Variants in ZGRF1 observed in about 807,000 individuals in gnomAD.
The protein encoded by ZGRF1 is zinc finger GRF-type containing 1, also known as 5'-3' DNA helicase ZGRF1.
In ZGRF1, 196 loss-of-function variants were observed where a neutral mutation model predicts 203.5. The ratio of observed to expected loss-of-function variants is 0.96; its 90% CI spans 0.86 to 1.08. The LOEUF (loss-of-function observed/expected upper bound fraction) is 1.08. ZGRF1 is among the 50% of genes least tolerant of loss of function. The pLI is 0.00. For synonymous variants in ZGRF1, 809 were observed against 841.3 expected (o/e 0.96, Z 0.66); for missense variants, 2,326 against 2,416.3 (o/e 0.96, Z 0.78).
intron 16 of ZGRF1, among the ~76,000 whole-genome samples, chr4:112,580,306 C>A (rs1276059204): frequency 7.2e-6 from 1 of 139,272 alleles, no homozygotes; most frequent in Non-Finnish European, 1.6e-5. Flanking sequence ...AAATGTTAGA[C>A]CTAAAACCAT....
At chr4:112,588,638 A>G (rs1747643080) in intron 11 of ZGRF1, among the ~76,000 whole-genome samples, 1 of 152,202 alleles carries the variant, frequency 6.6e-6, no homozygotes, top group South Asian at 2.1e-4. Flanking sequence ...TTTGTTGAAT[A>G]TATAAACAAA....
chr4:112,606,409 C>A (rs11098167), intron 8 of ZGRF1, among the ~76,000 whole-genome samples: 9,595 of 152,128 alleles, frequency 0.063, 457 homozygotes, highest in East Asian at 0.23. Flanking sequence ...CGCCTGTAAT[C>A]CCAGCACTTT....
chr4:112,582,938 C>T (rs899835392), intron 15 of ZGRF1, among the ~76,000 whole-genome samples: 2 of 152,088 alleles, frequency 1.3e-5, no homozygotes, highest in African/African-American at 4.8e-5. Flanking sequence ...GTGAATACTG[C>T]TGAAATAAAC....
intron 16 of ZGRF1, among the ~76,000 whole-genome samples, chr4:112,566,256 C>A (rs1743045298): frequency 6.8e-6 from 1 of 146,244 alleles, no homozygotes; most frequent in African/African-American, 2.5e-5. Context: ...AACCAAACAC[C>A]ACGTATTCTC....
intron 16 of ZGRF1, among the ~76,000 whole-genome samples, chr4:112,573,193 CACACA>C (rs1744512630): frequency 6.6e-6 from 1 of 151,646 alleles, no homozygotes; most frequent in African/African-American, 2.4e-5. Flanking sequence ...CACACACACA[CACACA>C]CACCCATGGA....
At position 112,543,726 on chromosome 4, in the gene ZGRF1, C is replaced by G. The variant is rs1017566882; in HGVS notation, c.5599-2458G>C. ...GACAGTTTCTTTGAAGGGGAGAGAACGAATGGTTGGGGGACAGGAGGAGAA... is the reference window on the plus strand; with the variant it reads ...GACAGTTTCTTTGAAGGGGAGAGAAGGAATGGTTGGGGGACAGGAGGAGAA... On this transcript the variant is annotated intron_variant, in intron 24 of 27. Coordinates refer to ENST00000505019, the MANE Select transcript of ZGRF1 (RefSeq NM_018392.5). Among the ~76,000 whole-genome samples the G allele has an allele frequency of 2.6e-5, 4 of 152,240 alleles. No individual in the cohort carries two copies. The South Asian group carries it at 8.3e-4, about 32-fold the overall frequency.
intron 12 of ZGRF1, among the ~76,000 whole-genome samples, chr4:112,587,021 G>C (rs1420572640): frequency 6.6e-6 from 1 of 152,164 alleles, no homozygotes. Context: ...GGAAACAAAA[G>C]TAGGAGCTAT....
At chr4:112,624,275 G>A (rs1370754222) in intron 3 of ZGRF1, among the ~76,000 whole-genome samples, 1 of 151,838 alleles carries the variant, frequency 6.6e-6, no homozygotes, top group African/African-American at 2.4e-5. Flanking sequence ...CAGCATTTTC[G>A]GAGGCCAAAG....
At chr4:112,634,083 T>C (rs2047499019) in intron 1 of ZGRF1, among the ~76,000 whole-genome samples, 1 of 152,218 alleles carries the variant, frequency 6.6e-6, no homozygotes, top group African/African-American at 2.4e-5. Flanking sequence ...TTTAGACATA[T>C]AAAATATGCC....
At position 112,547,348 on chromosome 4, in the gene ZGRF1, C is replaced by CTAT; in HGVS notation, c.5534_5535insATA (p.Gln1845_Gly1846insTer). On this transcript the variant is annotated stop_gained and inframe_insertion, in exon 24 of 28. Transcript: ENST00000505019. LOFTEE classifies it high-confidence loss of function. Reference sequence around the variant, plus strand: ...CATTTTCATGAGCTGCATCAGAACCCTGAATAGTAGGAGGTAGCTGTTTGG... The same window carrying CTAT: ...CATTTTCATGAGCTGCATCAGAACCCTATTGAATAGTAGGAGGTAGCTGTTTGG... 6.2e-7 allele frequency: 1 copy of CTAT among 1,613,450 alleles called. No homozygotes were observed. Among genetic ancestry groups the CTAT allele is most frequent in the Non-Finnish European group, 8.5e-7 (1 of 1,179,674 alleles).
At chr4:112,574,712 C>G (rs56108948) in intron 16 of ZGRF1, among the ~76,000 whole-genome samples, 1,533 of 152,210 alleles carry the variant, frequency 0.01, 12 homozygotes, top group Non-Finnish European at 0.015. Context: ...ATTAATCCAA[C>G]TTAGTGTACC....
intron 10 of ZGRF1, among the ~76,000 whole-genome samples, chr4:112,592,096 C>CTTTTT (rs961223953): frequency 1.4e-4 from 18 of 128,568 alleles, no homozygotes; most frequent in South Asian, 2.5e-4. Flanking sequence ...CTCATTCATT[C>CTTTTT]TTTTTTTTTT....
chr4:112,545,950 G>C (rs1414238201), intron 24 of ZGRF1, among the ~76,000 whole-genome samples: 1 of 151,948 alleles, frequency 6.6e-6, no homozygotes, highest in Admixed American at 6.6e-5. Context: ...TACTTACTAG[G>C]GGCTGAGGGA....
At position 112,548,154 on chromosome 4, in the gene ZGRF1, T is replaced by G. The variant is rs1191716681; in HGVS notation, c.5474+99A>C. The G allele has an allele frequency of 3.9e-6, 4 of 1,031,482 alleles. No individual in the cohort carries two copies. The African/African-American group carries it at 6.5e-5, about 17-fold the overall frequency. 63.9% of individuals were successfully genotyped at this position (1,031,482 alleles called of 1,614,324 possible). A position where few individuals can be genotyped will look rare whatever the true frequency, so the allele number is the denominator to read the frequency against. ...TGGGGATTCGCCATGTTGTCCAAGC[T>G]GGTCGCAAACTCCTAGACTCAAGCA... is the stretch of plus-strand genomic sequence containing the variant. On this transcript the variant is annotated intron_variant, in intron 23 of 27. Coordinates refer to ENST00000505019, the MANE Select transcript of ZGRF1 (RefSeq NM_018392.5).
chr4:112,631,828 T>C (rs185132184), intron 3 of ZGRF1, 102 bp downstream of exon 3: 121 of 533,430 alleles, frequency 2.3e-4, no homozygotes, highest in African/African-American at 2.1e-3. Flanking sequence ...CATTTCAGTG[T>C]ATGGATATAT....
chr4:112,636,282 T>C (rs2047630388), intron 1 of ZGRF1, among the ~76,000 whole-genome samples: 1 of 152,180 alleles, frequency 6.6e-6, no homozygotes, highest in Non-Finnish European at 1.5e-5. Flanking sequence ...CATACACACA[T>C]ATACATACAT....
At chr4:112,571,222 T>C (rs1271432984) in intron 16 of ZGRF1, among the ~76,000 whole-genome samples, 1 of 151,548 alleles carries the variant, frequency 6.6e-6, no homozygotes, top group Non-Finnish European at 1.5e-5. Context: ...AAAAGAACAG[T>C]ATACTATCCT....
In ZGRF1 at chr4:112,585,539, A is replaced by G. The variant is rs1747022631; in HGVS notation, c.4101+2T>C. On this transcript the variant is annotated splice_donor_variant, in intron 14 of 27. Transcript: ENST00000505019. LOFTEE classifies it high-confidence loss of function. ...TGGTAGGGGGAGGGGAAGCAAGAAT[A>G]CCTTATTTGGACCTTCCTTTTTAAC... is the stretch of plus-strand genomic sequence containing the variant. 1 of 1,606,394 alleles carries G rather than the reference A, an allele frequency of 6.2e-7. No individual in the cohort carries two copies. The highest frequency in any genetic ancestry group is 8.5e-7 in the Non-Finnish European group (1 of 1,177,060).
chr4:112,558,328 G>A lies in ZGRF1; in HGVS notation c.4961-19C>T. 1 of 1,473,978 alleles carries A rather than the reference G, an allele frequency of 6.8e-7. No individual in the cohort carries two copies. The allele number at this position is 1,473,978 out of a possible 1,614,324, so 91.3% of individuals were successfully genotyped here. A position where few individuals can be genotyped will look rare whatever the true frequency, so the allele number is the denominator to read the frequency against. On this transcript the variant is annotated intron_variant, in intron 19 of 27. Coordinates refer to ENST00000505019, the MANE Select transcript of ZGRF1 (RefSeq NM_018392.5). ...AACACACCTAATTATTTTAAAAGAA[G>A]AAAAAAATAAAAAGCATAAAATAAA...
Sources: gnomAD v4.1 joint callset for allele counts (sites outside exome capture counted in the v4.1 genomes callset) on GRCh38, gnomAD v4.1.1 for gene constraint, MANE v1.5 for transcripts, NCBI Gene and HGNC (gene_info 2026-07-23, HGNC 2026-07-21) for gene names.